PSPC1: variants seen among roughly 807,000 people sequenced by gnomAD.
PSPC1 encodes the protein paraspeckle component 1.
PSPC1 carries 14 observed loss-of-function variants against 51.6 expected under a neutral mutation model. The observed-to-expected ratio is 0.27, with a 90% CI of 0.18 to 0.42. PSPC1 has a LOEUF of 0.42. Among genes scored for constraint, PSPC1 ranks in the 10% least tolerant of loss-of-function variants. The probability of loss-of-function intolerance (pLI) is 1.00; values close to 1 mark genes in which losing one functional copy is unlikely to be tolerated. For synonymous variants in PSPC1, 193 were observed against 231.9 expected, an observed-to-expected ratio of 0.83 and a Z score of 1.53; for missense variants, 406 against 701.1, an observed-to-expected ratio of 0.58 and a Z score of 4.75.
intron 5 of PSPC1, 60 bp downstream of exon 5, chr13:19,741,505 G>A: frequency 8.2e-7 from 1 of 1,219,928 alleles, no homozygotes. Context: ...GTAACAGGTT[G>A]TGGGGAGTTT....
intron 4 of PSPC1, among the ~76,000 whole-genome samples, chr13:19,750,653 A>G (rs1343245218): frequency 2.6e-5 from 4 of 152,098 alleles, no homozygotes; most frequent in Non-Finnish European, 5.9e-5. Context: ...TGCCATGTCT[A>G]CCTACCAAAA....
intron 2 of PSPC1, among the ~76,000 whole-genome samples, chr13:19,763,181 T>C (rs929205885): frequency 1.3e-5 from 2 of 151,980 alleles, no homozygotes; most frequent in African/African-American, 4.8e-5. Context: ...CTTGAGACAG[T>C]GTCTCACTCT....
intron 3 of PSPC1, among the ~76,000 whole-genome samples, chr13:19,758,598 C>A (rs760501973): frequency 2.6e-5 from 4 of 151,658 alleles, no homozygotes; most frequent in African/African-American, 4.8e-5. Flanking sequence ...TTTGGGAGGC[C>A]TAGGCGGGTA....
chr13:19,776,261 G>C (rs888591822), intron 1 of PSPC1, among the ~76,000 whole-genome samples: 1 of 152,086 alleles, frequency 6.6e-6, no homozygotes, highest in African/African-American at 2.4e-5. Flanking sequence ...AGGAGTTTGA[G>C]ACCTGCCTGG....
At chr13:19,772,681 G>T in intron 1 of PSPC1, 138 bp from the exon 2 acceptor site, 6 of 724,444 alleles carry the variant, frequency 8.3e-6, no homozygotes, top group Non-Finnish European at 1.3e-5. Context: ...TTTTAACTTT[G>T]GTATCACATG....
chr13:19,776,875 C>CA (rs1273379495), intron 1 of PSPC1, among the ~76,000 whole-genome samples: 2 of 151,332 alleles, frequency 1.3e-5, no homozygotes, highest in African/African-American at 4.8e-5. Flanking sequence ...CCTGTAATCC[C>CA]AGCACTTTGG....
At chr13:19,704,150 C>T (rs2137729588) in intron 8 of PSPC1, among the ~76,000 whole-genome samples, 1 of 152,372 alleles carries the variant, frequency 6.6e-6, no homozygotes, top group Non-Finnish European at 1.5e-5. Context: ...AATGTTACTT[C>T]TATGTTTCTA....
At chr13:19,734,676 C>T (rs969849874) in intron 5 of PSPC1, among the ~76,000 whole-genome samples, 1 of 152,070 alleles carries the variant, frequency 6.6e-6, no homozygotes, top group African/African-American at 2.4e-5. Context: ...GTGGCAGGTG[C>T]CTGTAATCCC....
At chr13:19,734,605 G>A (rs920566704) in intron 5 of PSPC1, among the ~76,000 whole-genome samples, 2 of 151,978 alleles carry the variant, frequency 1.3e-5, no homozygotes, top group Non-Finnish European at 1.5e-5. Context: ...AGTTCGAGAC[G>A]AGCCTGGCCA....
chr13:19,697,034 A>T (rs1824164106), intron 6 of PSPC1, among the ~76,000 whole-genome samples: 1 of 152,188 alleles, frequency 6.6e-6, no homozygotes. Context: ...TAAATGTCTG[A>T]GGGTGTTTTG....
chr13:19,701,273 G>A (rs1327802566), downstream of PSPC1, among the ~76,000 whole-genome samples: 1 of 151,266 alleles, frequency 6.6e-6, no homozygotes, highest in Non-Finnish European at 1.5e-5. Flanking sequence ...CAGCTTTGAA[G>A]TGAAATACAA....
intron 1 of PSPC1, among the ~76,000 whole-genome samples, chr13:19,779,964 G>C (rs1593798228): frequency 7.2e-6 from 1 of 139,816 alleles, no homozygotes; most frequent in Non-Finnish European, 1.6e-5. Flanking sequence ...GAGGTGGGGG[G>C]GTCGGCCCCC....
intron 1 of PSPC1, among the ~76,000 whole-genome samples, chr13:19,779,592 C>CCGGG (rs1889659337): frequency 3.3e-5 from 1 of 30,424 alleles, no homozygotes; most frequent in African/African-American, 1.1e-4. Flanking sequence ...GCCGCCCCGT[C>CCGGG]TGGGAGGTGA....
At chr13:19,727,965 T>C (rs899776277) in intron 6 of PSPC1, among the ~76,000 whole-genome samples, 2 of 152,176 alleles carry the variant, frequency 1.3e-5, no homozygotes, top group Non-Finnish European at 2.9e-5. Flanking sequence ...AAAAATGTTG[T>C]TTAATTTATA....
chr13:19,674,268 T>C (rs561430564), downstream of PSPC1, among the ~76,000 whole-genome samples: 12 of 152,202 alleles, frequency 7.9e-5, no homozygotes, highest in Non-Finnish European at 1.5e-4. Flanking sequence ...CCAAAATAAA[T>C]AGGGATTCTG....
intron 5 of PSPC1, among the ~76,000 whole-genome samples, chr13:19,736,622 G>A (rs1884855477): frequency 6.6e-6 from 1 of 152,180 alleles, no homozygotes; most frequent in Non-Finnish European, 1.5e-5. Context: ...GGCAGAGCTT[G>A]CAGTGAGCCG....
intron 1 of PSPC1, among the ~76,000 whole-genome samples, chr13:19,780,158 G>T (rs1218572187): frequency 1.5e-5 from 1 of 67,720 alleles, no homozygotes; most frequent in Non-Finnish European, 3.6e-5. Context: ...CCCCCCGCCC[G>T]GCCAGCCGCC....
At chr13:19,720,991 T>C (rs1882699639) in intron 6 of PSPC1, among the ~76,000 whole-genome samples, 1 of 151,152 alleles carries the variant, frequency 6.6e-6, no homozygotes, top group South Asian at 2.1e-4. Flanking sequence ...AAACCAGAGT[T>C]CCTACAGCCT....
At chr13:19,744,310 C>T (rs1885731516) in intron 4 of PSPC1, among the ~76,000 whole-genome samples, 2 of 152,096 alleles carry the variant, frequency 1.3e-5, no homozygotes, top group South Asian at 4.1e-4. Context: ...TATCACCTTA[C>T]TTGTAACACT....
Sources: allele counts gnomAD v4.1 joint callset (sites outside exome capture counted in the v4.1 genomes callset), GRCh38; gene constraint gnomAD v4.1.1; transcripts MANE v1.5; gene names NCBI Gene and HGNC (gene_info 2026-07-23, HGNC 2026-07-21).